Variants in MYO16 observed in about 807,000 individuals in gnomAD.
The protein encoded by MYO16 is myosin XVI.
Under a neutral mutation model 205.3 loss-of-function variants are expected in MYO16, and 94 were observed. That is an observed-to-expected ratio of 0.46 (90% CI 0.39 to 0.54). MYO16 has a LOEUF of 0.54. MYO16 is among the 20% of genes least tolerant of loss of function. MYO16 has a pLI of 0.00. For synonymous variants in MYO16, 988 were observed against 954.0 expected (o/e 1.04, Z -0.66); for missense variants, 2,315 against 2,387.5 (o/e 0.97, Z 0.63).
At chr13:109,027,054 G>T (rs1886384989) in intron 23 of MYO16, among the ~76,000 whole-genome samples, 1 of 152,268 alleles carries the variant, frequency 6.6e-6, no homozygotes, top group East Asian at 1.9e-4. Context: ...TTTTCACAGT[G>T]CTGGAGGATA....
Position 108,743,865 on chromosome 13 carries a change from CATT to C in MYO16, c.507+16284_507+16286del, listed in dbSNP as rs145795366. 3.9e-4 allele frequency among the ~76,000 whole-genome samples: 60 copies of C among 152,314 alleles called. 2 individuals are homozygous for C. The East Asian group carries it at 7.9e-3, about 20-fold the overall frequency. On this transcript the variant is annotated intron_variant, in intron 4 of 34. Transcript: ENST00000457511. ...AATCCAATCATTCCAAAACTTGACTCATTAGTTGTTTAGACAATTCCTAGGTTA... is the reference window on the plus strand; with the variant it reads ...AATCCAATCATTCCAAAACTTGACTCAGTTGTTTAGACAATTCCTAGGTTA...
intron 23 of MYO16, among the ~76,000 whole-genome samples, chr13:109,024,154 G>A (rs1378385484): frequency 6.6e-6 from 1 of 150,394 alleles, no homozygotes; most frequent in Non-Finnish European, 1.5e-5. Flanking sequence ...GAATTTGAGA[G>A]ATTTCACTAT....
intron 21 of MYO16, among the ~76,000 whole-genome samples, chr13:108,995,993 A>T (rs1257420985): frequency 1.3e-5 from 2 of 152,170 alleles, no homozygotes; most frequent in African/African-American, 4.8e-5. Context: ...GGGACTGTAA[A>T]CTAGTTCAAC....
chr13:108,591,869 G>T (rs995006950), upstream of MYO16, among the ~76,000 whole-genome samples: 1 of 152,048 alleles, frequency 6.6e-6, no homozygotes, highest in Non-Finnish European at 1.5e-5. Flanking sequence ...GAGAAGAAAA[G>T]AAAGAGCTTA....
intron 32 of MYO16, among the ~76,000 whole-genome samples, chr13:109,145,271 C>A (rs565361802): frequency 6.6e-6 from 1 of 151,960 alleles, no homozygotes; most frequent in African/African-American, 2.4e-5. Context: ...TGTGCTCGTG[C>A]GGGACAGAGA....
At chr13:108,571,395 G>T in the MYO16 span, among the ~76,000 whole-genome samples, 1 of 152,062 alleles carries the variant, frequency 6.6e-6, no homozygotes, top group Non-Finnish European at 1.5e-5. Context: ...AGGACTACAG[G>T]TGTTTATGTC....
Position 108,737,160 on chromosome 13 carries a change from A to T in MYO16, c.507+9577A>T, listed in dbSNP as rs138347268. Among the ~76,000 whole-genome samples, 117 of 152,280 alleles carry T rather than the reference A, an allele frequency of 7.7e-4. No homozygotes were observed. In the East Asian group the frequency reaches 0.02, roughly 26 times the overall value. On this transcript the variant is annotated intron_variant, in intron 4 of 34. Transcript: ENST00000457511. ...CTCCTGCCTGATTGCCCTGGACAGA[A>T]CTTCCAACACTATGTTGAATAGGAG...
chr13:108,956,558 C>T (rs551423611), intron 16 of MYO16, among the ~76,000 whole-genome samples: 1 of 152,156 alleles, frequency 6.6e-6, no homozygotes, highest in South Asian at 2.1e-4. Flanking sequence ...CTGGCTACTT[C>T]TCCAATCTCA....
At chr13:108,699,939 C>T (rs555538960) in intron 2 of MYO16, among the ~76,000 whole-genome samples, 21 of 152,184 alleles carry the variant, frequency 1.4e-4, no homozygotes, top group Non-Finnish European at 7.4e-5. Context: ...TACAGAGAGA[C>T]GACCACTGAA....
rs1276335521 is a variant in MYO16, at chr13:108,807,817, C to T, written c.867+1013C>T. Among the ~76,000 whole-genome samples, 2 of 152,220 alleles carry T rather than the reference C, an allele frequency of 1.3e-5. 1 individual carries two copies. The highest frequency in any genetic ancestry group is 3.9e-4 in the East Asian group (2 of 5,184). On this transcript the variant is annotated intron_variant, in intron 7 of 34. Coordinates refer to ENST00000457511, the MANE Select transcript of MYO16 (RefSeq NM_001198950.3). ...TTGGTGAATTTTAAAGCAGCTGTTT[C>T]TTCTTCTAAAAATACTAATTTCTTA... is the stretch of plus-strand genomic sequence containing the variant.
chr13:108,500,480 G>A, the MYO16 span, among the ~76,000 whole-genome samples: 2 of 151,166 alleles, frequency 1.3e-5, no homozygotes, highest in Non-Finnish European at 2.9e-5. Context: ...CACTCGCCTC[G>A]GCCTCCCAAA....
chr13:108,567,348 GAA>G, the MYO16 span, among the ~76,000 whole-genome samples: 1 of 152,196 alleles, frequency 6.6e-6, no homozygotes, highest in East Asian at 1.9e-4. Flanking sequence ...GACCCTTGGA[GAA>G]AAGAGGATTT....
At chr13:108,815,446 T>C (rs1408281251) in intron 7 of MYO16, among the ~76,000 whole-genome samples, 1 of 152,128 alleles carries the variant, frequency 6.6e-6, no homozygotes, top group Non-Finnish European at 1.5e-5. Context: ...GGAGTGTGAC[T>C]GTGGAAAAAT....
At chr13:109,098,879 A>G (rs531210075) in intron 27 of MYO16, among the ~76,000 whole-genome samples, 3 of 152,194 alleles carry the variant, frequency 2.0e-5, no homozygotes, top group African/African-American at 7.2e-5. Flanking sequence ...ATAAGAGAAA[A>G]TAATACTTTG....
intron 2 of MYO16, among the ~76,000 whole-genome samples, chr13:108,669,347 G>T (rs1881883436): frequency 6.6e-6 from 1 of 152,192 alleles, no homozygotes; most frequent in African/African-American, 2.4e-5. Context: ...TTCTTGACTT[G>T]TTGGGAGCAA....
At chr13:108,807,173 A>G (rs1291630809) in intron 7 of MYO16, among the ~76,000 whole-genome samples, 2 of 152,214 alleles carry the variant, frequency 1.3e-5, no homozygotes, top group African/African-American at 2.4e-5. Context: ...AATAGTAGGA[A>G]AAGTAACTTA....
At chr13:109,015,135 C>T (rs2139500054) in intron 22 of MYO16, among the ~76,000 whole-genome samples, 1 of 152,248 alleles carries the variant, frequency 6.6e-6, no homozygotes, top group East Asian at 1.9e-4. Context: ...AGATACGTTC[C>T]ATCAATACCT....
chr13:109,143,393 T>C (rs969861343), intron 32 of MYO16, among the ~76,000 whole-genome samples: 4 of 152,204 alleles, frequency 2.6e-5, no homozygotes, highest in Admixed American at 6.5e-5. Flanking sequence ...CATTAATAAA[T>C]GAAATTGTAC....
intron 2 of MYO16, among the ~76,000 whole-genome samples, chr13:108,683,826 T>G (rs1409790937): frequency 6.6e-6 from 1 of 152,216 alleles, no homozygotes; most frequent in African/African-American, 2.4e-5. Flanking sequence ...GGACAGATGA[T>G]AGGAAGAAAC....
Sources: allele counts gnomAD v4.1 joint callset (sites outside exome capture counted in the v4.1 genomes callset), GRCh38; gene constraint gnomAD v4.1.1; transcripts MANE v1.5; gene names NCBI Gene and HGNC (gene_info 2026-07-23, HGNC 2026-07-21).